The following RNF151 variants were observed in gnomAD, a reference collection of about 807,000 sequenced individuals.
RNF151 encodes the protein ring finger protein 151.
In RNF151, 9 loss-of-function variants were observed where a neutral mutation model predicts 11.1. That is an observed-to-expected ratio of 0.81 (90% CI 0.49 to 1.42). The LOEUF (loss-of-function observed/expected upper bound fraction) is 1.42. RNF151 is among the 40% of genes most tolerant of loss of function. The pLI, the probability that RNF151 is intolerant of heterozygous loss-of-function variation, is 0.00. For missense variants in RNF151, 372 were observed against 342.9 expected (o/e 1.08, Z -0.67); for synonymous variants, 172 against 140.7 (o/e 1.22, Z -1.58).
chr16:1,968,915 C>G lies in RNF151; in HGVS notation c.728C>G (p.Pro243Arg), dbSNP rs563164413. The change falls in exon 4 of 4, where the codon CCT (proline) becomes CGT (arginine). Residue 243 changes from proline to arginine, a missense_variant. By Grantham distance (103) the Pro-to-Arg change is moderately radical (BLOSUM62 -2). Coordinates refer to ENST00000569714, the MANE Select transcript of RNF151 (RefSeq NM_174903.6). ...GTGGGGGAGCCCAGGGCCAACATAC[C>G]TTGTAAATAGGTAAATAAAAGCAGA... ...EVVGEPRANI[P>R]CK The G allele has an allele frequency of 4.3e-5, 69 of 1,592,388 alleles. No homozygotes were observed. Among genetic ancestry groups the G allele is most frequent in the Non-Finnish European group, 5.8e-5 (68 of 1,169,606 alleles).
rs1384349551 is a variant in RNF151 at position 1,967,366 on chromosome 16, G to A, written c.96G>A (p.Arg32=). The A allele has an allele frequency of 3.7e-6, 6 of 1,613,738 alleles. No individual in the cohort carries two copies. The highest frequency in any genetic ancestry group is 1.6e-4 in the Middle Eastern group (1 of 6,062). Residue 32 remains arginine (R), a synonymous_variant, in exon 2 of 4, where the codon AGG becomes AGA. Transcript: ENST00000569714. ...VCHGVLKRPA[R]LPCSHIFCKK... is the part of the protein sequence containing the mutation. ...ATGGGGTTCTCAAGAGGCCAGCAAG[G>A]TTGCCATGCAGCCACATCTTCTGCA...
chr16:1,968,853 C>A lies in RNF151; in HGVS notation c.666C>A (p.Ala222=), dbSNP rs1366488810. ...ALLEGAPQEE[A]EAAPEGNVGA... is the part of the protein sequence containing the mutation. ...TGGAGGGTGCCCCACAGGAGGAGGC[C>A]GAGGCTGCCCCAGAAGGCAACGTTG... The change falls in exon 4 of 4, where the codon GCC becomes GCA. Residue 222 remains alanine, a synonymous_variant. Coordinates refer to ENST00000569714, the MANE Select transcript of RNF151 (RefSeq NM_174903.6). 2.5e-6 allele frequency: 4 copies of A among 1,596,862 alleles called. No individual in the cohort carries two copies. In the South Asian group the frequency reaches 4.5e-5, roughly 18 times the overall value.
intron 3 of RNF151, among the ~76,000 whole-genome samples, chr16:1,968,158 G>A (rs954843285): frequency 7.9e-5 from 12 of 152,130 alleles, no homozygotes; most frequent in African/African-American, 2.9e-4. Flanking sequence ...GTAAACCGAG[G>A]TTAAAAAGGA....
In RNF151 at chr16:1,968,911, A is replaced by G. The variant is rs62617079; in HGVS notation, c.724A>G (p.Ile242Val). ...AEVVGEPRANIPCK is the reference protein window; with the variant it reads ...AEVVGEPRANVPCK Reference sequence around the variant, plus strand: ...GGTGGTGGGGGAGCCCAGGGCCAACATACCTTGTAAATAGGTAAATAAAAG... The same window carrying G: ...GGTGGTGGGGGAGCCCAGGGCCAACGTACCTTGTAAATAGGTAAATAAAAG... The change falls in exon 4 of 4, where the codon ATA becomes GTA. Residue 242 changes from isoleucine (I) to valine (V), a missense_variant. Physicochemically the swap from Ile to Val is conservative, Grantham distance 29. Transcript: ENST00000569714. The G allele has an allele frequency of 0.029, 46,259 of 1,594,476 alleles. 883 individuals are homozygous for G. The highest frequency in any genetic ancestry group is 0.085 in the African/African-American group (6,388 of 74,736).
At chr16:1,967,678 C>A in intron 2 of RNF151, 47 bp from the exon 3 acceptor site, 1 of 1,463,350 alleles carries the variant, frequency 6.8e-7, no homozygotes, top group Non-Finnish European at 9.4e-7. Flanking sequence ...TTGACCAGGG[C>A]TCCCTTCCCA....
intron 1 of RNF151, among the ~76,000 whole-genome samples, 182 bp downstream of exon 1, chr16:1,967,066 C>T (rs1480157802): frequency 1.3e-5 from 2 of 152,100 alleles, no homozygotes; most frequent in East Asian, 3.9e-4. Flanking sequence ...AGGCTAAGGC[C>T]CCCGTCTCCA....
At chr16:1,967,196 G>C (rs932324696) in intron 1 of RNF151, 78 bp from the exon 2 acceptor site, 1 of 1,524,320 alleles carries the variant, frequency 6.6e-7, no homozygotes, top group South Asian at 1.3e-5. Context: ...CCAAAAGCTT[G>C]CTGGGCTCTC....
intron 3 of RNF151, chr16:1,968,060 T>C (rs2083327216): frequency 2.9e-6 from 2 of 698,418 alleles, no homozygotes; most frequent in South Asian, 3.0e-5. Context: ...TTAGAGGACT[T>C]TTAAAATGGA....
chr16:1,967,612 T>C, intron 2 of RNF151, 113 bp from the exon 3 acceptor site: 2 of 969,046 alleles, frequency 2.1e-6, no homozygotes, highest in African/African-American at 1.6e-5. Flanking sequence ...CCCTGTAATA[T>C]GCCCTAATGC....
chr16:1,967,141 G>A lies in RNF151; in HGVS notation c.4-133G>A, dbSNP rs75235686. ...CCACAGCTGCCCCCTCAAAGTGGGC[G>A]CTGAGCCAACCCCTTTACTTGAAGT... On this transcript the variant is annotated intron_variant, in intron 1 of 3. Transcript: ENST00000569714. 2,302 of 1,223,600 alleles carry A rather than the reference G, an allele frequency of 1.9e-3. 50 individuals are homozygous for A. The African/African-American group carries it at 0.031, about 16-fold the overall frequency. 75.8% of individuals were successfully genotyped at this position (1,223,600 alleles called of 1,614,324 possible). A position where few individuals can be genotyped will look rare whatever the true frequency, so the allele number is the denominator to read the frequency against.
At chr16:1,967,497 A>G in intron 2 of RNF151, 78 bp downstream of exon 2, 1 of 1,353,288 alleles carries the variant, frequency 7.4e-7, no homozygotes, top group Admixed American at 2.1e-5. Context: ...ACAGAGGGGA[A>G]AGTCAGCCAA....
At chr16:1,967,235 T>C (rs2083318581) in intron 1 of RNF151, 39 bp from the exon 2 acceptor site, 1 of 1,595,940 alleles carries the variant, frequency 6.3e-7, no homozygotes, top group African/African-American at 1.3e-5. Context: ...AGGGACTGGA[T>C]CACTGTCCCA....
rs755533761 is a variant in RNF151 at position 1,968,411 on chromosome 16, C to T, written c.247-23C>T. The T allele has an allele frequency of 2.0e-6, 3 of 1,509,056 alleles. No homozygotes were observed. In the East Asian group the frequency reaches 7.1e-5, roughly 36 times the overall value. 93.5% of individuals were successfully genotyped at this position (1,509,056 alleles called of 1,614,324 possible). A position where few individuals can be genotyped will look rare whatever the true frequency, so the allele number is the denominator to read the frequency against. On this transcript the variant is annotated intron_variant, in intron 3 of 3. Coordinates refer to ENST00000569714, the MANE Select transcript of RNF151 (RefSeq NM_174903.6). ...CCGTGGGTGTCCTGCCCGGTTTCTT[C>T]ACACGTTCTCCTTCACCCTCAGTGC...
chr16:1,968,291 C>T (rs1005406639), intron 3 of RNF151, 143 bp from the exon 4 acceptor site: 1 of 1,052,276 alleles, frequency 9.5e-7, no homozygotes, highest in African/African-American at 1.6e-5. Context: ...GCATTTGCCC[C>T]AGTGTTCTCT....
intron 3 of RNF151, 119 bp from the exon 4 acceptor site, chr16:1,968,315 A>C: frequency 7.8e-7 from 1 of 1,283,240 alleles, no homozygotes; most frequent in South Asian, 1.6e-5. Context: ...CCAACTCACC[A>C]GAGTCAGAAA....
chr16:1,968,617 C>G lies in RNF151; in HGVS notation c.430C>G (p.Leu144Val), dbSNP rs748028833. The part of the protein sequence containing the change: ...CQQGSQQRCP[L>V]GCGATLDPAE... ...GCAAGGGTCCCAGCAGCGCTGCCCCCTGGGCTGCGGGGCCACCCTGGACCC... is the reference window on the plus strand; with the variant it reads ...GCAAGGGTCCCAGCAGCGCTGCCCCGTGGGCTGCGGGGCCACCCTGGACCC... Residue 144 changes from leucine (L) to valine (V), a missense_variant, in exon 4 of 4, where the codon CTG becomes GTG. Coordinates refer to ENST00000569714, the MANE Select transcript of RNF151 (RefSeq NM_174903.6). 2 of 1,573,590 alleles carry G rather than the reference C, an allele frequency of 1.3e-6. No individual in the cohort carries two copies. Among genetic ancestry groups the G allele is most frequent in the South Asian group, 2.3e-5 (2 of 86,098 alleles).
chr16:1,967,930 T>G (rs187553312), intron 3 of RNF151, 109 bp downstream of exon 3: 2 of 825,868 alleles, frequency 2.4e-6, no homozygotes, highest in African/African-American at 1.7e-5. Context: ...GAGAAACAAG[T>G]GCAGCCTTGG....
At position 1,968,699 on chromosome 16, in the gene RNF151, G is replaced by A. The variant is rs776743139; in HGVS notation, c.512G>A (p.Arg171His). 3.1e-5 allele frequency: 49 copies of A among 1,565,652 alleles called. No homozygotes were observed. The highest frequency in any genetic ancestry group is 4.2e-5 in the Non-Finnish European group (48 of 1,156,102). The change falls in exon 4 of 4, where the codon CGC becomes CAC. Residue 171 changes from arginine (R) to histidine (H), a missense_variant. Coordinates refer to ENST00000569714, the MANE Select transcript of RNF151 (RefSeq NM_174903.6). ...YRELHNAWSV[R>H]QERRRPLLLS... is the part of the protein sequence containing the mutation. ...GAGCTGCACAACGCCTGGAGCGTGC[G>A]CCAGGAGCGCCGTCGGCCCCTGCTG...
chr16:1,968,814 A>G lies in RNF151; in HGVS notation c.627A>G (p.Glu209=), dbSNP rs1486937257. ...ELAELSNFLE[E]DTALLEGAPQ... The stretch of plus-strand genomic sequence containing the variant: ...CGGAGCTCAGCAACTTCCTGGAGGA[A>G]GACACCGCTCTGCTGGAGGGTGCCC... Residue 209 remains glutamate (E), a synonymous_variant, in exon 4 of 4, where the codon GAA becomes GAG. Coordinates refer to ENST00000569714, the MANE Select transcript of RNF151 (RefSeq NM_174903.6). 6.3e-7 allele frequency: 1 copy of G among 1,593,920 alleles called. No homozygotes were observed. Among genetic ancestry groups the G allele is most frequent in the Admixed American group, 1.7e-5 (1 of 57,246 alleles).
Sources: gnomAD v4.1 joint callset for allele counts (sites outside exome capture counted in the v4.1 genomes callset) on GRCh38, gnomAD v4.1.1 for gene constraint, MANE v1.5 for transcripts, NCBI Gene and HGNC (gene_info 2026-07-23, HGNC 2026-07-21) for gene names.